Variants in MINPP1 observed in about 807,000 individuals in gnomAD.
MINPP1 encodes the protein multiple inositol polyphosphate phosphatase 1.
A neutral mutation model predicts 46.1 loss-of-function variants in MINPP1; 28 were observed. The observed-to-expected ratio is 0.61, with a 90% CI of 0.45 to 0.83. The LOEUF (loss-of-function observed/expected upper bound fraction) is 0.83. Ranked by LOEUF, MINPP1 falls within the 40% of genes least tolerant of loss-of-function variation. MINPP1 has a pLI of 0.00. For synonymous variants in MINPP1, 268 were observed against 249.1 expected (o/e 1.08, Z -0.72); for missense variants, 603 against 610.0 (o/e 0.99, Z 0.12).
At position 87,513,130 on chromosome 10, in the gene MINPP1, T is replaced by A; in HGVS notation, c.842T>A (p.Ile281Asn). The part of the protein sequence containing the change: ...VPVNDLNADL[I>N]QVAFFTCSFD... ...TACCTTTTTTTCCCCCCAGATTTAA[T>A]TCAAGTAGCCTTTTTCACCTGTTCA... Residue 281 changes from isoleucine to asparagine, a missense_variant, in exon 3 of 5, where the codon ATT becomes AAT. Coordinates refer to ENST00000371996, the MANE Select transcript of MINPP1 (RefSeq NM_004897.5). 6.2e-7 allele frequency: 1 copy of A among 1,613,398 alleles called. No homozygotes were observed.
intron 2 of MINPP1, among the ~76,000 whole-genome samples, chr10:87,512,782 T>C (rs1250783290): frequency 6.6e-6 from 1 of 151,948 alleles, no homozygotes; most frequent in East Asian, 1.9e-4. Context: ...TGCAGTGAGC[T>C]GTGATCACCA....
chr10:87,519,309 C>T (rs577599962), intron 3 of MINPP1, among the ~76,000 whole-genome samples: 1 of 152,256 alleles, frequency 6.6e-6, no homozygotes, highest in East Asian at 1.9e-4. Context: ...AGGGCAAGGC[C>T]ACTCAGGTTT....
chr10:87,515,145 G>A (rs1360548603), intron 3 of MINPP1, among the ~76,000 whole-genome samples: 1 of 151,968 alleles, frequency 6.6e-6, no homozygotes, highest in African/African-American at 2.4e-5. Context: ...CCAGCACTTT[G>A]GGCGGCCAAG....
rs941639256 is a variant in MINPP1, at chr10:87,505,426, C to G, written c.511C>G (p.Arg171Gly). 3 of 1,613,574 alleles carry G rather than the reference C, an allele frequency of 1.9e-6. No homozygotes were observed. The highest frequency in any genetic ancestry group is 1.7e-5 in the Admixed American group (1 of 59,988). Reference protein sequence around the residue: ...LASLFPALFSRENYGRLRLIT... With the variant: ...LASLFPALFSGENYGRLRLIT... ...CTCGCTCTTCCCGGCCCTTTTCAGCCGTGAGAACTACGGCCGCCTGCGGCT... is the reference window on the plus strand; with the variant it reads ...CTCGCTCTTCCCGGCCCTTTTCAGCGGTGAGAACTACGGCCGCCTGCGGCT... The change falls in exon 1 of 5, where the codon CGT becomes GGT. Residue 171 changes from arginine (R) to glycine (G), a missense_variant. By Grantham distance (125) the Arg-to-Gly change is moderately radical (BLOSUM62 -2). This residue lies in a region of MINPP1 where 344 missense variants were observed against 381.1 expected (regional missense o/e 0.90). Transcript: ENST00000371996. This position sits in a 1 kb window ranked among gnomAD's most constrained non-coding sequence, Gnocchi z 4.4.
At chr10:87,535,579 G>A (rs1352196023) in intron 4 of MINPP1, among the ~76,000 whole-genome samples, 1 of 152,104 alleles carries the variant, frequency 6.6e-6, no homozygotes, top group Non-Finnish European at 1.5e-5. Flanking sequence ...CTGTTAGGGT[G>A]TTATCTATGC....
At chr10:87,508,205 A>G in intron 1 of MINPP1, 131 bp from the exon 2 acceptor site, 1 of 1,549,474 alleles carries the variant, frequency 6.5e-7, no homozygotes, top group Non-Finnish European at 8.7e-7. Flanking sequence ...CCTGACCAAT[A>G]TGTGCTTATT....
intron 4 of MINPP1, among the ~76,000 whole-genome samples, chr10:87,530,027 G>C (rs11592439): frequency 6.6e-6 from 1 of 152,086 alleles, no homozygotes; most frequent in African/African-American, 2.4e-5. Context: ...GCATCACTTA[G>C]TTCTCGTGCC....
chr10:87,512,944 A>G (rs527295646), intron 2 of MINPP1, among the ~76,000 whole-genome samples, 180 bp from the exon 3 acceptor site: 2 of 152,324 alleles, frequency 1.3e-5, no homozygotes, highest in East Asian at 3.9e-4. Context: ...GCACCCTTAA[A>G]TTACACAGAG....
At chr10:87,535,588 G>C (rs1851722666) in intron 4 of MINPP1, among the ~76,000 whole-genome samples, 1 of 152,124 alleles carries the variant, frequency 6.6e-6, no homozygotes, top group Non-Finnish European at 1.5e-5. Flanking sequence ...TGTTATCTAT[G>C]CCAGAGAAAA....
At chr10:87,511,205 G>A (rs1400508003) in intron 2 of MINPP1, among the ~76,000 whole-genome samples, 1 of 152,008 alleles carries the variant, frequency 6.6e-6, no homozygotes, top group Non-Finnish European at 1.5e-5. Context: ...GCCTGACAAA[G>A]GATTCGCCCT....
intron 1 of MINPP1, chr10:87,507,798 A>G (rs1851274825): frequency 2.0e-6 from 2 of 1,003,976 alleles, no homozygotes; most frequent in Admixed American, 5.4e-5. Context: ...TCACAGGCCC[A>G]GCACAGTGAA....
At position 87,505,065 on chromosome 10, in the gene MINPP1, G is replaced by T; in HGVS notation, c.150G>T (p.Lys50Asn). The T allele has an allele frequency of 6.2e-7, 1 of 1,613,574 alleles. No individual in the cohort carries two copies. Among genetic ancestry groups the T allele is most frequent in the Non-Finnish European group, 8.5e-7 (1 of 1,179,932 alleles). ...CGCTCAGCCCCTATTTCGGCACCAA[G>T]ACTCGCTACGAGGATGTCAACCCCG... ...ASSLSPYFGT[K>N]TRYEDVNPVL... The change falls in exon 1 of 5, where the codon AAG becomes AAT. Residue 50 changes from lysine to asparagine, a missense_variant. Coordinates refer to ENST00000371996, the MANE Select transcript of MINPP1 (RefSeq NM_004897.5). This position sits in a 1 kb window ranked among gnomAD's most constrained non-coding sequence, Gnocchi z 4.4.
intron 3 of MINPP1, among the ~76,000 whole-genome samples, chr10:87,516,375 C>T (rs1436804729): frequency 9.5e-6 from 1 of 104,732 alleles, no homozygotes; most frequent in African/African-American, 2.9e-5. Context: ...GAAGTATACT[C>T]AGATGCTCCT....
chr10:87,516,977 A>G, intron 3 of MINPP1, among the ~76,000 whole-genome samples: 1 of 152,054 alleles, frequency 6.6e-6, no homozygotes, highest in South Asian at 2.1e-4. Flanking sequence ...CTTGTTCAAC[A>G]TTAAGTTTTT....
intron 4 of MINPP1, among the ~76,000 whole-genome samples, chr10:87,534,645 T>G (rs1230083498): frequency 1.3e-5 from 2 of 152,228 alleles, no homozygotes; most frequent in Non-Finnish European, 2.9e-5. Flanking sequence ...ACCTACTCTG[T>G]GCTGACCCCA....
chr10:87,530,657 C>T (rs1348289138), intron 4 of MINPP1, among the ~76,000 whole-genome samples: 1 of 152,212 alleles, frequency 6.6e-6, no homozygotes, highest in Non-Finnish European at 1.5e-5. Context: ...GTCAAGGACC[C>T]TCTTGAGGAG....
intron 4 of MINPP1, among the ~76,000 whole-genome samples, chr10:87,537,077 C>T (rs12263334): frequency 0.011 from 1,631 of 152,222 alleles, 30 homozygotes; most frequent in African/African-American, 0.037. Flanking sequence ...GCTGGGATTA[C>T]AGGCATGTGC....
At chr10:87,511,301 AT>A (rs1337270847) in intron 2 of MINPP1, among the ~76,000 whole-genome samples, 2 of 152,114 alleles carry the variant, frequency 1.3e-5, no homozygotes, top group Non-Finnish European at 2.9e-5. Context: ...AGAAGTTTAC[AT>A]CTTTTACATA....
chr10:87,544,671 A>G (rs546872189), intron 4 of MINPP1, among the ~76,000 whole-genome samples: 3 of 152,300 alleles, frequency 2.0e-5, no homozygotes, highest in African/African-American at 7.2e-5. Flanking sequence ...ATATTTCACA[A>G]TATCATTGGA....
Sources: allele counts gnomAD v4.1 joint callset (sites outside exome capture counted in the v4.1 genomes callset), GRCh38; gene constraint gnomAD v4.1.1; regional missense constraint gnomAD v4.1.1; non-coding constraint Gnocchi (gnomAD v3.1); transcripts MANE v1.5; gene names NCBI Gene and HGNC (gene_info 2026-07-23, HGNC 2026-07-21).